Variants in XYLT1 observed in about 807,000 individuals in gnomAD.
XYLT1 encodes the protein xylosyltransferase 1.
In XYLT1, 36 loss-of-function variants were observed where a neutral mutation model predicts 91.3. That is an observed-to-expected ratio of 0.39 (90% CI 0.30 to 0.52). The LOEUF (loss-of-function observed/expected upper bound fraction) is 0.52. Ranked by LOEUF, XYLT1 falls within the 20% of genes least tolerant of loss-of-function variation. XYLT1 has a pLI of 0.68. For synonymous variants in XYLT1, 588 were observed against 532.0 expected, an observed-to-expected ratio of 1.11 and a Z score of -1.45; for missense variants, 1,242 against 1,284.5, an observed-to-expected ratio of 0.97 and a Z score of 0.51.
At chr16:17,235,365 G>C (rs2033231430) in intron 3 of XYLT1, among the ~76,000 whole-genome samples, 1 of 146,708 alleles carries the variant, frequency 6.8e-6, no homozygotes, top group Admixed American at 6.9e-5. Flanking sequence ...GCATGGTGCT[G>C]GGTGAGCTCT....
chr16:17,184,215 C>G lies in XYLT1; in HGVS notation c.1289+13997G>C, dbSNP rs548770073. 3.6e-3 allele frequency among the ~76,000 whole-genome samples: 348 copies of G among 97,430 alleles called. 3 individuals are homozygous for G. The highest frequency in any genetic ancestry group is 0.015 in the African/African-American group (341 of 22,010). 63.9% of individuals were successfully genotyped at this position (97,430 alleles called of 152,430 possible). A position where few individuals can be genotyped will look rare whatever the true frequency, so the allele number is the denominator to read the frequency against. ...TTTTTTTTTTTTTTTTGCCAATAAGCAAAAATGCTCAATGCACTGGGCAGG... is the reference window on the plus strand; with the variant it reads ...TTTTTTTTTTTTTTTTGCCAATAAGGAAAAATGCTCAATGCACTGGGCAGG... On this transcript the variant is annotated intron_variant, in intron 5 of 11. Transcript: ENST00000261381.
chr16:17,467,571 T>C (rs1404932519), intron 1 of XYLT1, among the ~76,000 whole-genome samples: 1 of 152,166 alleles, frequency 6.6e-6, no homozygotes, highest in Non-Finnish European at 1.5e-5. Flanking sequence ...TGCAAATCTT[T>C]TATGGACATG....
At chr16:17,141,848 A>ATAAAG (rs1476959253) in intron 6 of XYLT1, among the ~76,000 whole-genome samples, 2 of 152,250 alleles carry the variant, frequency 1.3e-5, no homozygotes, top group African/African-American at 2.4e-5. Context: ...AAGTTCTGAT[A>ATAAAG]TAAAGTAATG....
At chr16:17,138,568 C>T (rs372683783) in intron 7 of XYLT1, 37 bp from the exon 8 acceptor site, 6 of 1,598,890 alleles carry the variant, frequency 3.8e-6, no homozygotes, top group Middle Eastern at 1.8e-4. Context: ...GAGACCTCTC[C>T]CAGCCTCCCA....
chr16:17,117,820 A>G lies in XYLT1; in HGVS notation c.2383T>C (p.Tyr795His), dbSNP rs1272869897. ...GCAGTGGACTCAATGAGGATGTCGT[A>G]GGTGGCTGCGATGACATTGACGGGA... Reference protein sequence around the residue: ...VDPVNVIAATYDILIESTAEF... With the variant: ...VDPVNVIAATHDILIESTAEF... The change falls in exon 11 of 12, where the codon TAC becomes CAC. Residue 795 changes from tyrosine (Y) to histidine (H), a missense_variant. Physicochemically the swap from Tyr to His is moderately conservative, Grantham distance 83. Transcript: ENST00000261381. The G allele has an allele frequency of 6.2e-7, 1 of 1,614,060 alleles. No homozygotes were observed. Among genetic ancestry groups the G allele is most frequent in the Non-Finnish European group, 8.5e-7 (1 of 1,180,042 alleles).
chr16:17,238,982 C>A (rs569663622), intron 3 of XYLT1, among the ~76,000 whole-genome samples: 1 of 152,342 alleles, frequency 6.6e-6, no homozygotes, highest in South Asian at 2.1e-4. Flanking sequence ...CAACACCAAT[C>A]AGGTCCTCTA....
At chr16:17,327,176 T>G (rs140643139) in intron 2 of XYLT1, among the ~76,000 whole-genome samples, 231 of 152,344 alleles carry the variant, frequency 1.5e-3, no homozygotes, top group African/African-American at 5.4e-3. Context: ...TTGAACACAT[T>G]GAATACATTC....
At chr16:17,332,556 C>T (rs2034913283) in intron 2 of XYLT1, among the ~76,000 whole-genome samples, 1 of 134,546 alleles carries the variant, frequency 7.4e-6, no homozygotes, top group Admixed American at 7.7e-5. Context: ...AGCCAGAGTC[C>T]ATCACACACA....
At chr16:17,307,296 C>T (rs530918915) in intron 2 of XYLT1, among the ~76,000 whole-genome samples, 5 of 152,140 alleles carry the variant, frequency 3.3e-5, no homozygotes, top group East Asian at 3.9e-4. Flanking sequence ...AGGCTGGTCT[C>T]GAACTCCTGA....
intron 1 of XYLT1, among the ~76,000 whole-genome samples, chr16:17,391,694 G>A (rs1239530678): frequency 6.6e-6 from 1 of 152,052 alleles, no homozygotes; most frequent in Non-Finnish European, 1.5e-5. Flanking sequence ...CATTGATAGG[G>A]CTTGGCTGTG....
chr16:17,277,156 A>G (rs935210248), intron 2 of XYLT1, among the ~76,000 whole-genome samples: 3 of 152,162 alleles, frequency 2.0e-5, no homozygotes, highest in Non-Finnish European at 4.4e-5. Flanking sequence ...CAATAAACAG[A>G]TTCTATCACA....
At position 17,404,453 on chromosome 16, in the gene XYLT1, T is replaced by C. The variant is rs1047096671; in HGVS notation, c.364-46403A>G. ...TGACCTGGAGCCAGATGTTGCCCCA[T>C]TTAACCTCCAAGACTCTCCTGTGAG... On this transcript the variant is annotated intron_variant, in intron 1 of 11. Coordinates refer to ENST00000261381, the MANE Select transcript of XYLT1 (RefSeq NM_022166.4). Among the ~76,000 whole-genome samples, 5 of 152,152 alleles carry C rather than the reference T, an allele frequency of 3.3e-5. 1 individual carries two copies. Among genetic ancestry groups the C allele is most frequent in the African/African-American group, 7.2e-5 (3 of 41,432 alleles).
chr16:17,311,898 G>A (rs1175916151), intron 2 of XYLT1, among the ~76,000 whole-genome samples: 2 of 152,084 alleles, frequency 1.3e-5, no homozygotes, highest in South Asian at 2.1e-4. Context: ...CAGATCTCAT[G>A]AGACTTATTC....
chr16:17,128,128 T>C (rs890906638), intron 9 of XYLT1, among the ~76,000 whole-genome samples: 1 of 152,210 alleles, frequency 6.6e-6, no homozygotes, highest in Non-Finnish European at 1.5e-5. Flanking sequence ...ATACATAATG[T>C]CCATTCACAG....
At chr16:17,314,919 A>G (rs1234562246) in intron 2 of XYLT1, among the ~76,000 whole-genome samples, 1 of 152,070 alleles carries the variant, frequency 6.6e-6, no homozygotes, top group Non-Finnish European at 1.5e-5. Flanking sequence ...CGGAGGTGAT[A>G]AAGTAGAGAG....
chr16:17,303,027 A>G (rs537563672), intron 2 of XYLT1, among the ~76,000 whole-genome samples: 2 of 150,946 alleles, frequency 1.3e-5, no homozygotes, highest in African/African-American at 5.0e-5. Context: ...ATGGGAAAGG[A>G]AAGGGGAGGA....
rs778442932 is a variant in XYLT1, at chr16:17,134,743, C to T, written c.1765-8G>A. On this transcript the variant is annotated splice_region_variant and splice_polypyrimidine_tract_variant and intron_variant, in intron 8 of 11. Transcript: ENST00000261381. The stretch of plus-strand genomic sequence containing the variant: ...GGTAGGCCGGGCTGTCTGCTGTACT[C>T]ATGGGATTAAAAATAGAAAAGCCAC... The T allele has an allele frequency of 1.2e-6, 2 of 1,612,570 alleles. No homozygotes were observed. Among genetic ancestry groups the T allele is most frequent in the East Asian group, 2.2e-5 (1 of 44,830 alleles).
At chr16:17,218,199 A>G (rs2141605911) in intron 3 of XYLT1, among the ~76,000 whole-genome samples, 1 of 152,124 alleles carries the variant, frequency 6.6e-6, no homozygotes, top group Admixed American at 6.5e-5. Context: ...TGGAGGTTGC[A>G]GTGAGCCAAA....
At chr16:17,202,691 A>G (rs1327515736) in intron 3 of XYLT1, among the ~76,000 whole-genome samples, 1 of 151,962 alleles carries the variant, frequency 6.6e-6, no homozygotes, top group South Asian at 2.1e-4. Context: ...CTTTCACCTC[A>G]CCGGATTTCA....
Sources: allele counts gnomAD v4.1 joint callset (sites outside exome capture counted in the v4.1 genomes callset), GRCh38; gene constraint gnomAD v4.1.1; transcripts MANE v1.5; gene names NCBI Gene and HGNC (gene_info 2026-07-23, HGNC 2026-07-21).